Variants in VIPR1 observed in about 807,000 individuals in gnomAD.
VIPR1 encodes vasoactive intestinal peptide receptor 1.
A neutral mutation model predicts 58.8 loss-of-function variants in VIPR1; 59 were observed. The ratio of observed to expected loss-of-function variants is 1.00; its 90% CI spans 0.81 to 1.25. The LOEUF (loss-of-function observed/expected upper bound fraction) is 1.25, where lower values mean the gene tolerates loss of function less well. VIPR1 is among the 50% of genes most tolerant of loss of function. The pLI, the probability that VIPR1 is intolerant of heterozygous loss-of-function variation, is 0.00. For missense variants in VIPR1, 626 were observed against 602.7 expected (o/e 1.04, Z -0.40); for synonymous variants, 251 against 242.1 (o/e 1.04, Z -0.34).
chr3:42,491,820 T>A (rs1699672110), intron 1 of VIPR1, among the ~76,000 whole-genome samples: 1 of 152,176 alleles, frequency 6.6e-6, no homozygotes, highest in African/African-American at 2.4e-5. Context: ...AGTGATCCAC[T>A]GACATTGACT....
chr3:42,515,109 GT>G (rs1282090474), intron 2 of VIPR1, among the ~76,000 whole-genome samples: 1 of 152,204 alleles, frequency 6.6e-6, no homozygotes, highest in Non-Finnish European at 1.5e-5. Context: ...TGAGCTTACA[GT>G]TATGTAACAG....
chr3:42,490,380 A>G (rs535950312), intron 1 of VIPR1, among the ~76,000 whole-genome samples: 4 of 152,326 alleles, frequency 2.6e-5, no homozygotes, highest in African/African-American at 9.6e-5. Flanking sequence ...CTCAGGCAAG[A>G]ATAGGCCTAG....
upstream of VIPR1, among the ~76,000 whole-genome samples, chr3:42,501,129 G>A (rs151134454): frequency 5.1e-4 from 78 of 152,246 alleles, no homozygotes; most frequent in African/African-American, 1.7e-3. This position sits in a 1 kb window ranked among gnomAD's most constrained non-coding sequence, Gnocchi z 4.8. Flanking sequence ...AAGTGCAGGG[G>A]ATGGAATGCT....
chr3:42,527,715 C>T, intron 5 of VIPR1: 1 of 635,296 alleles, frequency 1.6e-6, no homozygotes, highest in East Asian at 2.8e-5. Flanking sequence ...GGCCCTGCAC[C>T]TGGGGACAGG....
chr3:42,527,920 CAT>C, intron 5 of VIPR1, 69 bp from the exon 6 acceptor site: 1 of 1,588,138 alleles, frequency 6.3e-7, no homozygotes, highest in Non-Finnish European at 8.6e-7. Flanking sequence ...TTGCTCAGCA[CAT>C]AGGACAGCAT....
At chr3:42,499,417 T>A (rs1036928181), upstream of VIPR1, among the ~76,000 whole-genome samples, 1 of 152,230 alleles carries the variant, frequency 6.6e-6, no homozygotes, top group South Asian at 2.1e-4. Context: ...GTGCCATGCC[T>A]GTTGTCACGG....
intron 4 of VIPR1, among the ~76,000 whole-genome samples, chr3:42,526,669 C>T (rs1170293160): frequency 1.3e-5 from 2 of 152,254 alleles, no homozygotes; most frequent in South Asian, 2.1e-4. Context: ...GCCTTTGAAG[C>T]CCACTGGAGC....
chr3:42,530,931 G>A lies in VIPR1; in HGVS notation c.789G>A (p.Trp263Ter), dbSNP rs1002101458. 10 of 1,613,854 alleles carry A rather than the reference G, an allele frequency of 6.2e-6. No individual in the cohort carries two copies. Among genetic ancestry groups the A allele is most frequent in the Non-Finnish European group, 8.5e-6 (10 of 1,179,898 alleles). Residue 263 changes from tryptophan to a stop codon, truncating the protein, a stop_gained and splice_region_variant, in exon 7 of 13, where the codon TGG (tryptophan) becomes TGA (stop). Coordinates refer to ENST00000325123, the MANE Select transcript of VIPR1 (RefSeq NM_004624.4). LOFTEE classifies it high-confidence loss of function. ...KYFWGYILIG[W>*]GVPSTFTMVW... ...TCTGGGGGTACATACTCATCGGCTG[G>A]GGTATGGTACCAGGGAGGGCTTCCA...
At chr3:42,522,080 A>AAT (rs59106663) in intron 3 of VIPR1, among the ~76,000 whole-genome samples, 734 of 52,960 alleles carry the variant, frequency 0.014, 26 homozygotes, top group Admixed American at 0.024. Context: ...TCTACCTTCG[A>AAT]ATATATATAT....
At chr3:42,530,605 A>G in intron 6 of VIPR1, 174 bp from the exon 7 acceptor site, 1 of 709,870 alleles carries the variant, frequency 1.4e-6, no homozygotes, top group African/African-American at 1.8e-5. Flanking sequence ...CAGAGGATCT[A>G]AAATTAGGGA....
upstream of VIPR1, among the ~76,000 whole-genome samples, chr3:42,500,635 A>G (rs570826781): frequency 6.6e-6 from 1 of 152,306 alleles, no homozygotes; most frequent in Non-Finnish European, 1.5e-5. Context: ...ACTTCCCAGG[A>G]AAAAGACACA....
chr3:42,492,733 G>A (rs1699688699), intron 1 of VIPR1, among the ~76,000 whole-genome samples: 1 of 152,216 alleles, frequency 6.6e-6, no homozygotes, highest in Non-Finnish European at 1.5e-5. Flanking sequence ...GAGAAGGGAA[G>A]GACTTCCCTG....
At chr3:42,523,086 C>CT (rs201153668) in intron 3 of VIPR1, among the ~76,000 whole-genome samples, 1 of 151,318 alleles carries the variant, frequency 6.6e-6, no homozygotes, top group African/African-American at 2.4e-5. Context: ...ATGCCCTGAC[C>CT]CCGCCCCCAG....
At chr3:42,501,332 G>T (rs1431126502), upstream of VIPR1, among the ~76,000 whole-genome samples, 1 of 150,318 alleles carries the variant, frequency 6.7e-6, no homozygotes, top group Non-Finnish European at 1.5e-5. This position sits in a 1 kb window ranked among gnomAD's most constrained non-coding sequence, Gnocchi z 4.8. Context: ...GCTCCTGCGC[G>T]CCTGCTGTTC....
At chr3:42,520,689 AG>A (rs1206981123) in intron 3 of VIPR1, among the ~76,000 whole-genome samples, 1 of 152,154 alleles carries the variant, frequency 6.6e-6, no homozygotes, top group East Asian at 1.9e-4. Context: ...ATAATTATTC[AG>A]AGAGCGAACA....
chr3:42,534,886 C>T (rs1701759124), intron 10 of VIPR1, 89 bp from the exon 11 acceptor site: 6 of 1,524,064 alleles, frequency 3.9e-6, no homozygotes, highest in African/African-American at 1.4e-5. Flanking sequence ...TCCCCATCTT[C>T]TGTGCCTCCA....
chr3:42,531,520 T>G lies in VIPR1; in HGVS notation c.840T>G (p.Phe280Leu). 5 of 1,597,066 alleles carry G rather than the reference T, an allele frequency of 3.1e-6. No individual in the cohort carries two copies. The highest frequency in any genetic ancestry group is 4.3e-6 in the Non-Finnish European group (5 of 1,171,170). Residue 280 changes from phenylalanine (F) to leucine (L), a missense_variant, in exon 8 of 13, where the codon TTT (phenylalanine) becomes TTG (leucine). Coordinates refer to ENST00000325123, the MANE Select transcript of VIPR1 (RefSeq NM_004624.4). ...TMVWTIARIH[F>L]EDYGCWDTIN... ...TGTGGACCATCGCCAGGATCCATTT[T>G]GAGGATTATGGGTGAGCTGCTGCCC...
chr3:42,505,283 A>C (rs1308321392), intron 1 of VIPR1, among the ~76,000 whole-genome samples: 1 of 152,176 alleles, frequency 6.6e-6, no homozygotes, highest in African/African-American at 2.4e-5. Flanking sequence ...CCAATCTTTC[A>C]CCCTAAACCA....
In VIPR1 at chr3:42,536,251, C is replaced by A; in HGVS notation, c.1344C>A (p.Ser448=). Residue 448 remains serine (S), a synonymous_variant, in exon 13 of 13, where the codon TCC becomes TCA. Transcript: ENST00000325123. ...TRVSPGARRS[S]SFQAEVSLV Reference sequence around the variant, plus strand: ...TCAGCCCAGGTGCCCGCCGCTCCTCCAGCTTCCAAGCCGAAGTCTCCCTGG... The same window carrying A: ...TCAGCCCAGGTGCCCGCCGCTCCTCAAGCTTCCAAGCCGAAGTCTCCCTGG... 6.3e-7 allele frequency: 1 copy of A among 1,583,486 alleles called. No individual in the cohort carries two copies. Among genetic ancestry groups the A allele is most frequent in the East Asian group, 2.3e-5 (1 of 43,658 alleles).
Sources: gnomAD v4.1 joint callset for allele counts (sites outside exome capture counted in the v4.1 genomes callset) on GRCh38, gnomAD v4.1.1 for gene constraint, Gnocchi (gnomAD v3.1) non-coding constraint, MANE v1.5 for transcripts, NCBI Gene and HGNC (gene_info 2026-07-23, HGNC 2026-07-21) for gene names.